The following HERC1 variants were observed in gnomAD, a reference collection of about 807,000 sequenced individuals.
HERC1 encodes HECT and RLD domain containing E3 ubiquitin protein ligase family member 1.
In HERC1, 160 loss-of-function variants were observed where a neutral mutation model predicts 554.3. The ratio of observed to expected loss-of-function variants is 0.29; its 90% CI spans 0.25 to 0.33. The LOEUF is 0.33. Among genes scored for constraint, HERC1 ranks in the 10% least tolerant of loss-of-function variants. HERC1 has a pLI of 1.00. For synonymous variants in HERC1, 2,175 were observed against 2,131.7 expected, an observed-to-expected ratio of 1.02 and a Z score of -0.56; for missense variants, 4,919 against 5,918.5, an observed-to-expected ratio of 0.83 and a Z score of 5.54.
intron 1 of HERC1, among the ~76,000 whole-genome samples, chr15:63,812,557 T>G (rs1390126206): frequency 2.0e-5 from 3 of 152,194 alleles, no homozygotes; most frequent in Non-Finnish European, 4.4e-5. Flanking sequence ...GAACTGTATC[T>G]AACTCCCTCC....
chr15:63,696,459 T>C (rs2072420074), intron 26 of HERC1, 120 bp from the exon 27 acceptor site: 7 of 649,900 alleles, frequency 1.1e-5, no homozygotes, highest in Non-Finnish European at 1.8e-5. Flanking sequence ...GAATCTATTC[T>C]AAGATAAACA....
At chr15:63,683,527 T>G (rs757201144) in intron 34 of HERC1, among the ~76,000 whole-genome samples, 6 of 152,246 alleles carry the variant, frequency 3.9e-5, no homozygotes, top group Non-Finnish European at 7.3e-5. Context: ...CTTTCTAGCC[T>G]AAGTACATAT....
chr15:63,645,962 T>C lies in HERC1; in HGVS notation c.10879-280A>G, dbSNP rs144000249. 0.012 allele frequency among the ~76,000 whole-genome samples: 1,798 copies of C among 152,314 alleles called. 20 individuals carry two copies. The highest frequency in any genetic ancestry group is 0.023 in the East Asian group (118 of 5,190). ...ATGAAATTCTGACTCAAAAGGGATA[T>C]GTTATCTCTCATTAGCATTTGTATT... On this transcript the variant is annotated intron_variant, in intron 55 of 77. Coordinates refer to ENST00000443617, the MANE Select transcript of HERC1 (RefSeq NM_003922.4).
At chr15:63,660,718 T>C (rs1420199558) in intron 46 of HERC1, among the ~76,000 whole-genome samples, 2 of 152,080 alleles carry the variant, frequency 1.3e-5, no homozygotes, top group East Asian at 3.8e-4. Flanking sequence ...TTTCCCTACT[T>C]TGAAAAAAAA....
chr15:63,723,491 C>G, intron 18 of HERC1, 136 bp from the exon 19 acceptor site: 1 of 630,466 alleles, frequency 1.6e-6, no homozygotes, highest in Non-Finnish European at 2.7e-6. Flanking sequence ...AAGGTAAAGT[C>G]CTTTAATGTT....
At chr15:63,615,322 G>C (rs529356013) in intron 76 of HERC1, among the ~76,000 whole-genome samples, 3 of 152,302 alleles carry the variant, frequency 2.0e-5, no homozygotes, top group East Asian at 1.9e-4. Context: ...TAAATACAAA[G>C]GAATCACCAA....
At chr15:63,748,283 G>C (rs2075129089) in intron 10 of HERC1, among the ~76,000 whole-genome samples, 1 of 152,042 alleles carries the variant, frequency 6.6e-6, no homozygotes, top group Non-Finnish European at 1.5e-5. Flanking sequence ...AAGATACAAA[G>C]AAGACATTAC....
intron 1 of HERC1, among the ~76,000 whole-genome samples, chr15:63,788,924 T>C (rs1489443110): frequency 6.6e-6 from 1 of 150,518 alleles, no homozygotes; most frequent in African/African-American, 2.5e-5. Context: ...AGTACATTAA[T>C]AGGAGTTCAT....
At chr15:63,813,401 G>A (rs1419313521) in intron 1 of HERC1, among the ~76,000 whole-genome samples, 1 of 151,062 alleles carries the variant, frequency 6.6e-6, no homozygotes, top group South Asian at 2.1e-4. Flanking sequence ...TACTCCAAAA[G>A]AGCCACACTT....
chr15:63,824,745 CT>C (rs1171746052), intron 1 of HERC1, among the ~76,000 whole-genome samples: 2 of 151,712 alleles, frequency 1.3e-5, no homozygotes, highest in Non-Finnish European at 2.9e-5. Context: ...CAAACACACT[CT>C]GGAATAGTAT....
chr15:63,810,028 C>T (rs1052576258), intron 1 of HERC1, among the ~76,000 whole-genome samples: 1 of 152,042 alleles, frequency 6.6e-6, no homozygotes, highest in African/African-American at 2.4e-5. Flanking sequence ...AAATTATACA[C>T]ATATACTAGA....
At position 63,680,013 on chromosome 15, in the gene HERC1, C is replaced by T; in HGVS notation, c.6549+64G>A. 1 of 1,126,406 alleles carries T rather than the reference C, an allele frequency of 8.9e-7. No individual in the cohort carries two copies. Among genetic ancestry groups the T allele is most frequent in the East Asian group, 2.5e-5 (1 of 40,144 alleles). 69.8% of individuals were successfully genotyped at this position (1,126,406 alleles called of 1,614,324 possible). A position where few individuals can be genotyped will look rare whatever the true frequency, so the allele number is the denominator to read the frequency against. ...AGAAATAGCTTATTATATTTATAAA[C>T]TCTATCTGATGCTAAACAATAAAAT... On this transcript the variant is annotated intron_variant, in intron 36 of 77. Transcript: ENST00000443617. The surrounding 1 kb of genome is among the most constrained non-coding windows in gnomAD (Gnocchi z 5.8).
intron 3 of HERC1, 59 bp downstream of exon 3, chr15:63,764,037 T>C (rs2075694239): frequency 1.3e-5 from 13 of 982,264 alleles, no homozygotes; most frequent in Non-Finnish European, 1.9e-5. Context: ...AAGGGATAAA[T>C]ACATGCCATA....
chr15:63,632,049 C>A (rs1353489757), intron 68 of HERC1, among the ~76,000 whole-genome samples: 3 of 152,154 alleles, frequency 2.0e-5, no homozygotes, highest in Non-Finnish European at 4.4e-5. Context: ...TTCTCAATAG[C>A]CTAGTGGACA....
chr15:63,672,976 A>G (rs1276673679), intron 38 of HERC1, among the ~76,000 whole-genome samples: 2 of 152,210 alleles, frequency 1.3e-5, no homozygotes, highest in African/African-American at 2.4e-5. Flanking sequence ...AAAAACAAAA[A>G]AAGTCTCACT....
intron 34 of HERC1, among the ~76,000 whole-genome samples, chr15:63,681,350 C>T (rs1051175081): frequency 6.6e-6 from 1 of 152,072 alleles, no homozygotes. Flanking sequence ...TACAGGTGTA[C>T]ACCATCATGC....
intron 44 of HERC1, among the ~76,000 whole-genome samples, chr15:63,662,724 T>A (rs2070422917): frequency 6.6e-6 from 1 of 152,180 alleles, no homozygotes; most frequent in Admixed American, 6.5e-5. Flanking sequence ...GACATCAGAA[T>A]CAAATATTAC....
chr15:63,662,961 G>GC, intron 44 of HERC1, 23 bp downstream of exon 44: 3 of 1,582,134 alleles, frequency 1.9e-6, no homozygotes, highest in Non-Finnish European at 2.6e-6. Flanking sequence ...AGTCAGAGCA[G>GC]CCCCCGCTGC....
intron 30 of HERC1, 45 bp downstream of exon 30, chr15:63,693,919 T>C (rs1209384662): frequency 6.6e-6 from 10 of 1,524,332 alleles, no homozygotes; most frequent in South Asian, 2.5e-5. Context: ...AATGGGGTTT[T>C]AATAAATGCT....
Sources: gnomAD v4.1 joint callset for allele counts (sites outside exome capture counted in the v4.1 genomes callset) on GRCh38, gnomAD v4.1.1 for gene constraint, Gnocchi (gnomAD v3.1) non-coding constraint, MANE v1.5 for transcripts, NCBI Gene and HGNC (gene_info 2026-07-23, HGNC 2026-07-21) for gene names.